Variants in TULP4 observed in about 807,000 individuals in gnomAD.
TULP4 encodes the protein tubby-related protein 4.
TULP4 carries 16 observed loss-of-function variants against 129.0 expected under a neutral mutation model. The ratio of observed to expected loss-of-function variants is 0.12; its 90% confidence interval spans 0.08 to 0.19. The LOEUF is 0.19. Among genes scored for constraint, TULP4 ranks in the 10% least tolerant of loss-of-function variants. The pLI, the probability that TULP4 is intolerant of heterozygous loss-of-function variation, is 1.00. For synonymous variants in TULP4, 998 were observed against 854.0 expected (o/e 1.17, Z -2.94); for missense variants, 1,842 against 2,059.1 (o/e 0.89, Z 2.04).
At chr6:158,479,996 C>T (rs761680446) in intron 7 of TULP4, 21 bp downstream of exon 7, 1 of 1,552,834 alleles carries the variant, frequency 6.4e-7, no homozygotes, top group Non-Finnish European at 8.8e-7. Flanking sequence ...CCACCCCTCC[C>T]TCTTCCTCCT....
intron 1 of TULP4, among the ~76,000 whole-genome samples, chr6:158,394,740 T>C (rs912573656): frequency 1.5e-5 from 2 of 130,814 alleles, no homozygotes; most frequent in South Asian, 2.5e-4. Context: ...TGAACCCAGA[T>C]TGTGCTACTG....
intron 1 of TULP4, among the ~76,000 whole-genome samples, chr6:158,395,829 G>A (rs901364305): frequency 6.7e-5 from 10 of 150,294 alleles, no homozygotes; most frequent in African/African-American, 7.4e-5. Context: ...TTTTTTTTCC[G>A]TTGCCTCAAA....
intron 1 of TULP4, among the ~76,000 whole-genome samples, chr6:158,274,557 A>C (rs1341970472): frequency 6.6e-6 from 1 of 152,222 alleles, no homozygotes; most frequent in African/African-American, 2.4e-5. Context: ...CGGGCGGATC[A>C]TGAGGTCAGG....
chr6:158,380,855 C>G (rs1309341245), intron 1 of TULP4, among the ~76,000 whole-genome samples: 2 of 147,160 alleles, frequency 1.4e-5, no homozygotes, highest in African/African-American at 5.1e-5. Context: ...GACCACGCCA[C>G]TGCACTCCAG....
intron 13 of TULP4, among the ~76,000 whole-genome samples, chr6:158,505,412 C>T (rs964568223): frequency 3.9e-5 from 6 of 152,278 alleles, no homozygotes; most frequent in Non-Finnish European, 7.3e-5. Context: ...CACAGCCACG[C>T]TCATTCACCT....
chr6:158,400,794 A>T (rs1777824774), intron 1 of TULP4, among the ~76,000 whole-genome samples: 1 of 152,062 alleles, frequency 6.6e-6, no homozygotes, highest in African/African-American at 2.4e-5. Flanking sequence ...AGAGCTCAGT[A>T]AGCTAGCCGA....
rs1344365386 is a variant in TULP4, at chr6:158,510,531, T to C, written c.*3837T>C. 2 of 152,244 alleles carry C rather than the reference T, an allele frequency of 1.3e-5. No homozygotes were observed. The highest frequency in any genetic ancestry group is 4.8e-5 in the African/African-American group (2 of 41,460). The allele number at this position is 152,244 out of a possible 1,614,324, so 9.4% of individuals were successfully genotyped here. On this transcript the variant is annotated 3_prime_UTR_variant, in exon 14 of 14. Coordinates refer to ENST00000367097, the MANE Select transcript of TULP4 (RefSeq NM_020245.5). ...ATCATTCCACTTTTCATGGGAAATA[T>C]ATTTCACACCATTGCCTTTGTGTAG...
rs1049606728 is a variant in TULP4, at chr6:158,493,865, G to C, written c.1776+148G>C. 7.9e-6 allele frequency: 7 copies of C among 888,168 alleles called. No homozygotes were observed. The highest frequency in any genetic ancestry group is 2.4e-4 in the Middle Eastern group (1 of 4,240). 55.0% of individuals were successfully genotyped at this position (888,168 alleles called of 1,614,324 possible). On this transcript the variant is annotated intron_variant, in intron 10 of 13. Transcript: ENST00000367097. The surrounding 1 kb of genome is among the most constrained non-coding windows in gnomAD (Gnocchi z 4.4). ...TCCTGCACACCACCTACTACCTCAG[G>C]AGTAGCCCTCAGGTGGAGCTCTGGC... is the stretch of plus-strand genomic sequence containing the variant.
chr6:158,350,890 G>A (rs1470205173), intron 1 of TULP4, among the ~76,000 whole-genome samples: 2 of 152,020 alleles, frequency 1.3e-5, no homozygotes, highest in Admixed American at 6.5e-5. Flanking sequence ...ACTCCTTGGT[G>A]GCTGGGATTA....
intron 1 of TULP4, among the ~76,000 whole-genome samples, chr6:158,254,808 A>G (rs1778214985): frequency 6.6e-6 from 1 of 152,190 alleles, no homozygotes; most frequent in Non-Finnish European, 1.5e-5. Context: ...GCCGTGGCTC[A>G]CGCTTGTTAT....
At chr6:158,450,841 G>C (rs938695634) in intron 4 of TULP4, among the ~76,000 whole-genome samples, 3 of 152,014 alleles carry the variant, frequency 2.0e-5, no homozygotes, top group African/African-American at 7.2e-5. Context: ...TGGATCATGA[G>C]GTCAGGAGAT....
chr6:158,434,033 C>T (rs1484219977), intron 3 of TULP4, among the ~76,000 whole-genome samples: 1 of 152,200 alleles, frequency 6.6e-6, no homozygotes, highest in Non-Finnish European at 1.5e-5. Context: ...AGACACCTGC[C>T]TTCTTATTGT....
rs151161490 is a variant in TULP4, at chr6:158,359,271, T to G, written c.252+45003T>G. On this transcript the variant is annotated intron_variant, in intron 1 of 13. Coordinates refer to ENST00000367097, the MANE Select transcript of TULP4 (RefSeq NM_020245.5). ...GGAAAAAAAAATCGTTCTTTGCCAA[T>G]TACTGCTGTGTACCTTCCTGGTTAT... is the stretch of plus-strand genomic sequence containing the variant. Among the ~76,000 whole-genome samples, 381 of 152,308 alleles carry G rather than the reference T, an allele frequency of 2.5e-3. 1 individual carries two copies. Among genetic ancestry groups the G allele is most frequent in the African/African-American group, 8.7e-3 (363 of 41,572 alleles).
At chr6:158,365,445 G>GTT (rs572711009) in intron 1 of TULP4, among the ~76,000 whole-genome samples, 1 of 143,294 alleles carries the variant, frequency 7.0e-6, no homozygotes, top group African/African-American at 2.5e-5. Context: ...CTCTTTGGAA[G>GTT]TTTTTTTTTT....
intron 4 of TULP4, among the ~76,000 whole-genome samples, chr6:158,449,797 C>T (rs1276069105): frequency 6.6e-6 from 1 of 152,106 alleles, no homozygotes; most frequent in Admixed American, 6.5e-5. Flanking sequence ...ACCTTAACCT[C>T]TAGCAGGTCC....
intron 1 of TULP4, among the ~76,000 whole-genome samples, chr6:158,304,162 A>T (rs568559398): frequency 6.6e-6 from 1 of 152,278 alleles, no homozygotes; most frequent in East Asian, 1.9e-4. Flanking sequence ...GGTATCTAAC[A>T]TACCTGATAC....
In TULP4 at chr6:158,461,586, C is replaced by A; in HGVS notation, c.883C>A (p.Gln295Lys). 6.2e-7 allele frequency: 1 copy of A among 1,613,710 alleles called. No homozygotes were observed. Among genetic ancestry groups the A allele is most frequent in the Admixed American group, 1.7e-5 (1 of 60,004 alleles). The change falls in exon 6 of 14, where the codon CAG (glutamine) becomes AAG (lysine). Residue 295 changes from glutamine (Q) to lysine (K), a missense_variant. By Grantham distance (53) the Gln-to-Lys change is moderately conservative. This residue lies in a region of TULP4 where 456 missense variants were observed against 534.3 expected (regional missense o/e 0.85). Transcript: ENST00000367097. Reference sequence around the variant, plus strand: ...AGAGGTGGTAGCCCAGTGGTGCACACAGGGGGACTTGCTGGCAGTCGCTGG... The same window carrying A: ...AGAGGTGGTAGCCCAGTGGTGCACAAAGGGGGACTTGCTGGCAGTCGCTGG... ...LKEVVAQWCT[Q>K]GDLLAVAGME...
At chr6:158,505,469 A>G (rs1780579000) in intron 13 of TULP4, among the ~76,000 whole-genome samples, 1 of 152,214 alleles carries the variant, frequency 6.6e-6, no homozygotes, top group East Asian at 1.9e-4. Flanking sequence ...AGAGTTGAGG[A>G]GTTGTGGTAA....
chr6:158,356,605 A>G (rs1780653320), intron 1 of TULP4, among the ~76,000 whole-genome samples: 1 of 152,098 alleles, frequency 6.6e-6, no homozygotes, highest in Admixed American at 6.5e-5. Context: ...GTTGGGGCTT[A>G]GGTGGTTGGG....
Sources: allele counts gnomAD v4.1 joint callset (sites outside exome capture counted in the v4.1 genomes callset), GRCh38; gene constraint gnomAD v4.1.1; regional missense constraint gnomAD v4.1.1; non-coding constraint Gnocchi (gnomAD v3.1); transcripts MANE v1.5; gene names NCBI Gene and HGNC (gene_info 2026-07-23, HGNC 2026-07-21).